The following GPATCH8 variants were observed in gnomAD, a reference collection of about 807,000 sequenced individuals.
GPATCH8 encodes the protein G-patch domain containing 8.
Under a neutral mutation model 118.3 loss-of-function variants are expected in GPATCH8, and 18 were observed. The observed-to-expected ratio is 0.15, with a 90% CI of 0.11 to 0.23. The LOEUF is 0.23. Ranked by LOEUF, GPATCH8 falls within the 10% of genes least tolerant of loss-of-function variation. The pLI, the probability that GPATCH8 is intolerant of heterozygous loss-of-function variation, is 1.00. For missense variants in GPATCH8, 1,631 were observed against 1,873.8 expected, an observed-to-expected ratio of 0.87 and a Z score of 2.39; for synonymous variants, 659 against 684.7, an observed-to-expected ratio of 0.96 and a Z score of 0.59.
At chr17:44,415,568 G>A (rs1246933144) in intron 6 of GPATCH8, among the ~76,000 whole-genome samples, 1 of 152,116 alleles carries the variant, frequency 6.6e-6, no homozygotes, top group Non-Finnish European at 1.5e-5. Flanking sequence ...AGATATCTGG[G>A]GACAAAGATT....
chr17:44,468,464 C>T (rs529258099), intron 2 of GPATCH8, among the ~76,000 whole-genome samples: 1 of 148,218 alleles, frequency 6.7e-6, no homozygotes, highest in African/African-American at 2.5e-5. Flanking sequence ...CACAGCTCAC[C>T]GCATCCTTGA....
rs1567934322 is a variant in GPATCH8 at position 44,400,655 on chromosome 17, T to C, written c.1422A>G (p.Ser474=). ...TTGCCTCAGCTTTGCTTCCTGGTTC[T>C]GAGGGCTCGGTCATGCTGGTTTCCT... is the stretch of plus-strand genomic sequence containing the variant. ...QPKETSMTEP[S]EPGSKAEAKK... is the part of the protein sequence containing the mutation. Residue 474 remains serine (S), a synonymous_variant, in exon 8 of 8, where the codon TCA becomes TCG. Transcript: ENST00000591680. 6.2e-7 allele frequency: 1 copy of C among 1,613,382 alleles called. No homozygotes were observed. Among genetic ancestry groups the C allele is most frequent in the Non-Finnish European group, 8.5e-7 (1 of 1,179,470 alleles).
chr17:44,450,171 T>C (rs932518952), intron 3 of GPATCH8, among the ~76,000 whole-genome samples: 5 of 152,158 alleles, frequency 3.3e-5, no homozygotes, highest in Admixed American at 6.5e-5. Flanking sequence ...GCTCACAAAG[T>C]AGTAACTTGC....
intron 6 of GPATCH8, among the ~76,000 whole-genome samples, chr17:44,406,614 C>T (rs1017295843): frequency 2.7e-5 from 4 of 150,166 alleles, no homozygotes; most frequent in African/African-American, 9.8e-5. Context: ...ATTAAATAAA[C>T]CCAAGACAGG....
intron 5 of GPATCH8, among the ~76,000 whole-genome samples, chr17:44,427,931 C>G (rs1214654874): frequency 6.6e-6 from 1 of 152,118 alleles, no homozygotes; most frequent in Non-Finnish European, 1.5e-5. Flanking sequence ...ATCCATCCAT[C>G]CATGTATCCA....
At chr17:44,467,174 GTT>G (rs1022516306) in intron 2 of GPATCH8, 39 of 521,494 alleles carry the variant, frequency 7.5e-5, no homozygotes, top group Middle Eastern at 7.5e-4. Flanking sequence ...ACTAATGGTC[GTT>G]TTTTTTTTTG....
At chr17:44,484,556 T>G (rs758089727) in intron 1 of GPATCH8, among the ~76,000 whole-genome samples, 2 of 152,116 alleles carry the variant, frequency 1.3e-5, no homozygotes, top group African/African-American at 2.4e-5. Flanking sequence ...GTAATCCCAA[T>G]GCTTTGGGAG....
rs561560613 is a variant in GPATCH8 at position 44,447,220 on chromosome 17, T to C, written c.194-10675A>G. Among the ~76,000 whole-genome samples, 3 of 151,818 alleles carry C rather than the reference T, an allele frequency of 2.0e-5. No homozygotes were observed. In the East Asian group the frequency reaches 5.8e-4, roughly 29 times the overall value. ...CCCAAGCTGGAGTACAGTGGCACACTCTTGGCTCACTGCAACCTCTACCTC... is the reference window on the plus strand; with the variant it reads ...CCCAAGCTGGAGTACAGTGGCACACCCTTGGCTCACTGCAACCTCTACCTC... On this transcript the variant is annotated intron_variant, in intron 3 of 7. Transcript: ENST00000591680.
chr17:44,453,478 TGTAGGTAG>T (rs562953244), intron 3 of GPATCH8, among the ~76,000 whole-genome samples: 2 of 131,498 alleles, frequency 1.5e-5, no homozygotes, highest in African/African-American at 5.4e-5. Context: ...CCCTTCTAGT[TGTAGGTAG>T]GTAGGTAGGT....
chr17:44,490,159 A>T (rs1461099899), intron 1 of GPATCH8, among the ~76,000 whole-genome samples: 5 of 151,818 alleles, frequency 3.3e-5, no homozygotes, highest in East Asian at 1.9e-4. Flanking sequence ...TTTTGTAAAA[A>T]TTTTTTTTAA....
Position 44,398,590 on chromosome 17 carries a change from CTT to C in GPATCH8, c.3485_3486del (p.Glu1162GlyfsTer23). The C allele has an allele frequency of 6.4e-7, 1 of 1,554,692 alleles. No homozygotes were observed. The highest frequency in any genetic ancestry group is 8.7e-7 in the Non-Finnish European group (1 of 1,155,026). On this transcript the variant is annotated frameshift_variant, in exon 8 of 8. Transcript: ENST00000591680. LOFTEE classifies it high-confidence loss of function. ...PATRKPNKKC[E>X]ESGLERGEEQ... Reference sequence around the variant, plus strand: ...TCTTCCCCCCTTTCCAAGCCAGACTCTTCACACTTCTTATTGGGCTTTCGGGT... The same window carrying C: ...TCTTCCCCCCTTTCCAAGCCAGACTCCACACTTCTTATTGGGCTTTCGGGT...
At position 44,399,568 on chromosome 17, in the gene GPATCH8, T is replaced by C. The variant is rs762417887; in HGVS notation, c.2509A>G (p.Ser837Gly). Reference sequence around the variant, plus strand: ...GAATCTTCCTCTTCTTCTTCCTCACTGTACTGGGATGGAGACTTCTGGTGC... The same window carrying C: ...GAATCTTCCTCTTCTTCTTCCTCACCGTACTGGGATGGAGACTTCTGGTGC... ...RLHQKSPSQY[S>G]EEEEEEDSGS... Residue 837 changes from serine to glycine, a missense_variant, in exon 8 of 8, where the codon AGT becomes GGT. Transcript: ENST00000591680. The C allele has an allele frequency of 8.7e-6, 14 of 1,614,152 alleles. No individual in the cohort carries two copies. Among genetic ancestry groups the C allele is most frequent in the Admixed American group, 6.7e-5 (4 of 60,026 alleles).
chr17:44,401,113 G>A lies in GPATCH8; in HGVS notation c.964C>T (p.His322Tyr). ...LESIASVFKD[H>Y]AEEGTSEDGT... ...TCTTCAGAGGTCCCTTCCTCCGCAT[G>A]GTCCTTGAAAACTGATGCTATTGAT... is the stretch of plus-strand genomic sequence containing the variant. The change falls in exon 8 of 8, where the codon CAT becomes TAT. Residue 322 changes from histidine (H) to tyrosine (Y), a missense_variant. By Grantham distance (83) the His-to-Tyr change is moderately conservative. Around this residue, in one of 8 missense-constraint regions of GPATCH8, gnomAD observed 405 missense variants for 462.7 expected, o/e 0.88. Coordinates refer to ENST00000591680, the MANE Select transcript of GPATCH8 (RefSeq NM_001002909.4). 6.2e-7 allele frequency: 1 copy of A among 1,613,986 alleles called. No homozygotes were observed. Among genetic ancestry groups the A allele is most frequent in the South Asian group, 1.1e-5 (1 of 91,076 alleles).
intron 3 of GPATCH8, among the ~76,000 whole-genome samples, chr17:44,451,593 A>C (rs2051114000): frequency 1.3e-5 from 2 of 152,184 alleles, no homozygotes; most frequent in South Asian, 4.1e-4. Context: ...CAGAAAGTAG[A>C]AGTCAGGGAG....
intron 6 of GPATCH8, among the ~76,000 whole-genome samples, chr17:44,406,884 T>C (rs2049252921): frequency 6.6e-6 from 1 of 152,214 alleles, no homozygotes; most frequent in African/African-American, 2.4e-5. Flanking sequence ...AAGAACAGTG[T>C]TATGACACAC....
chr17:44,415,585 A>G (rs1402098472), intron 6 of GPATCH8, among the ~76,000 whole-genome samples: 1 of 152,216 alleles, frequency 6.6e-6, no homozygotes, highest in Non-Finnish European at 1.5e-5. Flanking sequence ...GATTTGCCCC[A>G]TAGGTAAAAT....
At chr17:44,464,859 A>C (rs1044827917) in intron 2 of GPATCH8, 2 of 332,510 alleles carry the variant, frequency 6.0e-6, no homozygotes, top group African/African-American at 4.3e-5. Flanking sequence ...ATGAAGTTTT[A>C]AAATAACACT....
intron 6 of GPATCH8, among the ~76,000 whole-genome samples, chr17:44,419,790 A>T (rs1029410256): frequency 6.6e-6 from 1 of 152,020 alleles, no homozygotes; most frequent in Non-Finnish European, 1.5e-5. Context: ...CCTCCTCAGT[A>T]GCTGGGATTA....
intron 3 of GPATCH8, among the ~76,000 whole-genome samples, chr17:44,457,042 T>C (rs1266469597): frequency 3.9e-5 from 6 of 152,056 alleles, no homozygotes; most frequent in Non-Finnish European, 1.5e-5. Flanking sequence ...TTTATATTTT[T>C]AGTAGAGAAG....
Sources: gnomAD v4.1 joint callset for allele counts (sites outside exome capture counted in the v4.1 genomes callset) on GRCh38, gnomAD v4.1.1 for gene constraint, gnomAD v4.1.1 regional missense constraint, MANE v1.5 for transcripts, NCBI Gene and HGNC (gene_info 2026-07-23, HGNC 2026-07-21) for gene names.